The following SCAPER variants were observed in gnomAD, a reference collection of about 807,000 sequenced individuals.
The protein encoded by SCAPER is S phase cyclin A-associated protein in the endoplasmic reticulum.
SCAPER carries 98 observed loss-of-function variants against 182.2 expected under a neutral mutation model. That is an observed-to-expected ratio of 0.54 (90% confidence interval 0.46 to 0.64). SCAPER has a LOEUF of 0.64. Among genes scored for constraint, SCAPER ranks in the 30% least tolerant of loss-of-function variants. The pLI, the probability that SCAPER is intolerant of heterozygous loss-of-function variation, is 0.00. For synonymous variants in SCAPER, 605 were observed against 564.6 expected (o/e 1.07, Z -1.01); for missense variants, 1,432 against 1,690.0 (o/e 0.85, Z 2.68).
chr15:76,839,326 A>G (rs945113304), intron 5 of SCAPER, among the ~76,000 whole-genome samples: 2 of 152,230 alleles, frequency 1.3e-5, no homozygotes, highest in African/African-American at 4.8e-5. Context: ...CAGTGCATTA[A>G]CAAAACAATG....
intron 23 of SCAPER, among the ~76,000 whole-genome samples, chr15:76,552,915 C>T (rs1022836857): frequency 2.0e-5 from 3 of 152,158 alleles, no homozygotes; most frequent in Non-Finnish European, 2.9e-5. Flanking sequence ...CTTACTGGGC[C>T]GCTTCCAATG....
At chr15:76,486,744 G>A (rs1474589998) in intron 24 of SCAPER, among the ~76,000 whole-genome samples, 2 of 152,138 alleles carry the variant, frequency 1.3e-5, no homozygotes, top group East Asian at 1.9e-4. Context: ...CTGTTGGTGG[G>A]AGTGTAAATT....
chr15:76,790,543 G>A (rs988306503), intron 8 of SCAPER, among the ~76,000 whole-genome samples: 3 of 152,022 alleles, frequency 2.0e-5, no homozygotes, highest in African/African-American at 7.2e-5. Flanking sequence ...GTTTTTCAAG[G>A]AATGTCAATC....
intron 22 of SCAPER, among the ~76,000 whole-genome samples, chr15:76,581,513 G>A (rs2048269670): frequency 6.6e-6 from 1 of 152,186 alleles, no homozygotes; most frequent in Admixed American, 6.5e-5. Flanking sequence ...CATACGCAAA[G>A]CAAACGATGT....
intron 6 of SCAPER, among the ~76,000 whole-genome samples, chr15:76,802,363 C>T (rs2065862034): frequency 6.6e-6 from 1 of 151,952 alleles, no homozygotes. Context: ...GTCACAAAGA[C>T]AATACAGCCA....
intron 25 of SCAPER, among the ~76,000 whole-genome samples, chr15:76,450,665 T>C (rs555300425): frequency 6.6e-6 from 1 of 152,302 alleles, no homozygotes; most frequent in East Asian, 1.9e-4. Flanking sequence ...ACGATTCTCG[T>C]GCCTCAGCCT....
At chr15:76,525,036 T>C (rs2043101541) in intron 23 of SCAPER, among the ~76,000 whole-genome samples, 1 of 152,188 alleles carries the variant, frequency 6.6e-6, no homozygotes, top group South Asian at 2.1e-4. Context: ...GTGCCTATTT[T>C]AATTAGTCAC....
intron 23 of SCAPER, among the ~76,000 whole-genome samples, chr15:76,534,900 C>G (rs1332884373): frequency 1.3e-5 from 2 of 151,646 alleles, no homozygotes; most frequent in African/African-American, 4.8e-5. Context: ...ATCTTTATTC[C>G]TGGGCTAAGA....
At chr15:76,750,853 C>T (rs537853201) in intron 15 of SCAPER, among the ~76,000 whole-genome samples, 71 of 151,946 alleles carry the variant, frequency 4.7e-4, no homozygotes, top group African/African-American at 1.7e-3. Flanking sequence ...CCTGCTTTCA[C>T]CACTTTTATT....
chr15:76,812,446 C>A (rs2066696643), intron 5 of SCAPER, among the ~76,000 whole-genome samples: 1 of 142,550 alleles, frequency 7.0e-6, no homozygotes, highest in Admixed American at 7.3e-5. Flanking sequence ...CACGACTATG[C>A]AACTGCACTC....
intron 4 of SCAPER, among the ~76,000 whole-genome samples, chr15:76,845,284 G>C (rs190136665): frequency 1.3e-5 from 2 of 152,126 alleles, no homozygotes; most frequent in African/African-American, 4.8e-5. Context: ...TGGAAAAACT[G>C]AAAGCCTTTC....
intron 1 of SCAPER, among the ~76,000 whole-genome samples, chr15:76,889,225 G>A (rs1030140429): frequency 6.6e-6 from 1 of 152,152 alleles, no homozygotes; most frequent in Non-Finnish European, 1.5e-5. Context: ...GCAAAAACAT[G>A]CCAAATGGTA....
intron 23 of SCAPER, among the ~76,000 whole-genome samples, chr15:76,551,701 G>C (rs1389335488): frequency 6.6e-6 from 1 of 152,104 alleles, no homozygotes; most frequent in African/African-American, 2.4e-5. Flanking sequence ...GATTTTGATT[G>C]TTCTCATCAC....
In SCAPER at chr15:76,765,472, C is replaced by G; in HGVS notation, c.1496-18G>C. The G allele has an allele frequency of 6.2e-7, 1 of 1,611,892 alleles. No homozygotes were observed. The highest frequency in any genetic ancestry group is 8.5e-7 in the Non-Finnish European group (1 of 1,178,346). On this transcript the variant is annotated intron_variant, in intron 12 of 31. Coordinates refer to ENST00000563290, the MANE Select transcript of SCAPER (RefSeq NM_020843.4). ...CTCACGAGCTGTTCAGAAAAAAATA[C>G]TATTATTGTTTAGCCACATAGGTCT...
chr15:76,866,148 A>C (rs141352964), intron 2 of SCAPER, among the ~76,000 whole-genome samples: 16 of 152,304 alleles, frequency 1.1e-4, no homozygotes, highest in Admixed American at 1.0e-3. Flanking sequence ...AGGCCAAATG[A>C]ACAAGTATAA....
intron 23 of SCAPER, among the ~76,000 whole-genome samples, chr15:76,510,654 C>T (rs189134608): frequency 3.3e-5 from 5 of 152,248 alleles, no homozygotes; most frequent in East Asian, 1.9e-4. Context: ...ACGAGGAAAA[C>T]AGTGTGAAGA....
At chr15:76,497,222 T>C (rs2040645919) in intron 24 of SCAPER, among the ~76,000 whole-genome samples, 1 of 148,866 alleles carries the variant, frequency 6.7e-6, no homozygotes, top group Non-Finnish European at 1.5e-5. Context: ...CAAATTCAAA[T>C]ACCTAAGAAA....
intron 25 of SCAPER, among the ~76,000 whole-genome samples, chr15:76,435,925 T>C (rs1327784802): frequency 6.6e-6 from 1 of 152,202 alleles, no homozygotes; most frequent in Non-Finnish European, 1.5e-5. Flanking sequence ...TCCTGTACCT[T>C]GGTATAGATT....
intron 17 of SCAPER, among the ~76,000 whole-genome samples, chr15:76,711,774 T>C (rs1392081471): frequency 2.0e-5 from 3 of 152,254 alleles, no homozygotes; most frequent in Admixed American, 6.5e-5. Context: ...CCCCATTTTT[T>C]GATGGGGTTG....
Sources: gnomAD v4.1 joint callset for allele counts (sites outside exome capture counted in the v4.1 genomes callset) on GRCh38, gnomAD v4.1.1 for gene constraint, MANE v1.5 for transcripts, NCBI Gene and HGNC (gene_info 2026-07-23, HGNC 2026-07-21) for gene names.